STIL: variants seen among roughly 807,000 people sequenced by gnomAD.
STIL encodes SCL-interrupting locus protein.
STIL carries 55 observed loss-of-function variants against 110.1 expected under a neutral mutation model. The observed-to-expected ratio is 0.50, with a 90% CI of 0.40 to 0.63. STIL has a LOEUF of 0.63. STIL is among the 20% of genes least tolerant of loss of function. The pLI, the probability that STIL is intolerant of heterozygous loss-of-function variation, is 0.00. For synonymous variants in STIL, 481 were observed against 530.0 expected (o/e 0.91, Z 1.27); for missense variants, 1,358 against 1,530.0 (o/e 0.89, Z 1.87).
Position 47,250,271 on chromosome 1 carries a change from G to A in STIL, c.*865C>T, listed in dbSNP as rs972226875. ...TCTTTGATAGCCAGTGTGACATGTTGAAGATGTTACACCAAAACCAACCCA... is the reference window on the plus strand; with the variant it reads ...TCTTTGATAGCCAGTGTGACATGTTAAAGATGTTACACCAAAACCAACCCA... On this transcript the variant is annotated 3_prime_UTR_variant, in exon 17 of 17. Transcript: ENST00000371877. 1 of 175,188 alleles carries A rather than the reference G, an allele frequency of 5.7e-6. No individual in the cohort carries two copies. Among genetic ancestry groups the A allele is most frequent in the African/African-American group, 2.4e-5 (1 of 42,168 alleles). 10.9% of individuals were successfully genotyped at this position (175,188 alleles called of 1,614,324 possible). A position where few individuals can be genotyped will look rare whatever the true frequency, so the allele number is the denominator to read the frequency against.
At chr1:47,268,341 G>T (rs1644715166) in intron 14 of STIL, among the ~76,000 whole-genome samples, 1 of 152,126 alleles carries the variant, frequency 6.6e-6, no homozygotes, top group South Asian at 2.1e-4. Flanking sequence ...AGCTGCTTGG[G>T]AGGCTGAGGC....
chr1:47,306,264 CTT>C (rs35382902), intron 2 of STIL, among the ~76,000 whole-genome samples: 78,453 of 139,222 alleles, frequency 0.56, 23,265 homozygotes, highest in African/African-American at 0.78. Context: ...CTTTTCTTTC[CTT>C]TTTTTTTTTT....
At chr1:47,258,664 T>C (rs1644390569) in intron 16 of STIL, among the ~76,000 whole-genome samples, 2 of 151,944 alleles carry the variant, frequency 1.3e-5, no homozygotes, top group African/African-American at 2.4e-5. Flanking sequence ...AGTCTAAGAG[T>C]TTGTCTGAGA....
chr1:47,269,617 AAATC>A lies in STIL; in HGVS notation c.2615+14_2615+17del, dbSNP rs1644759963. The A allele has an allele frequency of 6.2e-7, 1 of 1,609,910 alleles. No homozygotes were observed. Among genetic ancestry groups the A allele is most frequent in the African/African-American group, 1.3e-5 (1 of 74,856 alleles). On this transcript the variant is annotated intron_variant, in intron 14 of 16. Transcript: ENST00000371877. ...TTTTTTGAAAGTAGGATGAAAGACT[AAATC>A]AAAGAGACCTTACTTGGATACAGAA...
At chr1:47,314,869 C>A (rs542823917), upstream of STIL, among the ~76,000 whole-genome samples, 1 of 151,728 alleles carries the variant, frequency 6.6e-6, no homozygotes, top group Non-Finnish European at 1.5e-5. Context: ...GTATTACAGG[C>A]GTCCACCACC....
At chr1:47,261,509 G>T (rs1644484043) in intron 15 of STIL, among the ~76,000 whole-genome samples, 2 of 151,752 alleles carry the variant, frequency 1.3e-5, no homozygotes, top group Admixed American at 1.3e-4. Context: ...GGAGGCCAAG[G>T]CGGGCAGATC....
chr1:47,256,214 T>C (rs1443714352), intron 16 of STIL, among the ~76,000 whole-genome samples: 1 of 152,192 alleles, frequency 6.6e-6, no homozygotes, highest in African/African-American at 2.4e-5. Flanking sequence ...ACACTAAAAA[T>C]GAACCTTCAC....
Position 47,295,825 on chromosome 1 carries a change from C to T in STIL, c.725G>A (p.Arg242His), listed in dbSNP as rs750455029. ...KYGYLTMDET[R>H]KLLLLLESDP... The stretch of plus-strand genomic sequence containing the variant: ...AGATTCCAACAAAAGTAACAATTTG[C>T]GTGTTTCATCCATGGTAAGATATCT... Residue 242 changes from arginine (R) to histidine (H), a missense_variant, in exon 7 of 17, where the codon CGC becomes CAC. Physicochemically the swap from Arg to His is conservative, Grantham distance 29 (BLOSUM62 0). Transcript: ENST00000371877. 1.5e-5 allele frequency: 24 copies of T among 1,612,200 alleles called. No homozygotes were observed. Among genetic ancestry groups the T allele is most frequent in the African/African-American group, 8.0e-5 (6 of 74,844 alleles).
At position 47,264,786 on chromosome 1, in the gene STIL, T is replaced by TAATCCAAATCAAC. The variant is rs553476718; in HGVS notation, c.2616-1683_2616-1671dup. On this transcript the variant is annotated intron_variant, in intron 14 of 16. Coordinates refer to ENST00000371877, the MANE Select transcript of STIL (RefSeq NM_001048166.1). ...CATAGACAACACTGGAGAAAGTATT[T>TAATCCAAATCAAC]AATCCAAATCAACAACCCAAATCAA... Among the ~76,000 whole-genome samples the TAATCCAAATCAAC allele has an allele frequency of 5.5e-3, 842 of 152,242 alleles. 8 individuals carry two copies. Among genetic ancestry groups the TAATCCAAATCAAC allele is most frequent in the African/African-American group, 0.019 (784 of 41,534 alleles).
At chr1:47,310,166 A>G in intron 2 of STIL, 110 bp downstream of exon 2, 1 of 1,062,392 alleles carries the variant, frequency 9.4e-7, no homozygotes, top group Non-Finnish European at 1.4e-6. Context: ...CTAGGATATG[A>G]ACCCAGAATT....
chr1:47,253,057 C>A (rs1644232549), intron 16 of STIL, among the ~76,000 whole-genome samples: 1 of 152,082 alleles, frequency 6.6e-6, no homozygotes, highest in African/African-American at 2.4e-5. Flanking sequence ...GTAAAGCGAG[C>A]CTCCCTCCTC....
chr1:47,301,760 A>G lies in STIL; in HGVS notation c.266-12T>C. On this transcript the variant is annotated splice_polypyrimidine_tract_variant and intron_variant, in intron 4 of 16. Coordinates refer to ENST00000371877, the MANE Select transcript of STIL (RefSeq NM_001048166.1). ...TACACCTTCTTCATCTGTAGAACAA[A>G]AATAACAGCTATTATACAGCATACT... is the stretch of plus-strand genomic sequence containing the variant. 1 of 1,612,834 alleles carries G rather than the reference A, an allele frequency of 6.2e-7. No homozygotes were observed. The highest frequency in any genetic ancestry group is 1.1e-5 in the South Asian group (1 of 91,076).
At chr1:47,289,653 G>T in intron 8 of STIL, 68 bp from the exon 9 acceptor site, 2 of 1,407,332 alleles carry the variant, frequency 1.4e-6, no homozygotes, top group Non-Finnish European at 2.0e-6. Flanking sequence ...ATAACTTCAT[G>T]TGAGTCTCCC....
chr1:47,301,757 C>T lies in STIL; in HGVS notation c.266-9G>A. 6.2e-7 allele frequency: 1 copy of T among 1,612,828 alleles called. No homozygotes were observed. On this transcript the variant is annotated splice_polypyrimidine_tract_variant and intron_variant, in intron 4 of 16. Coordinates refer to ENST00000371877, the MANE Select transcript of STIL (RefSeq NM_001048166.1). ...TGTTACACCTTCTTCATCTGTAGAA[C>T]AAAAATAACAGCTATTATACAGCAT...
intron 2 of STIL, among the ~76,000 whole-genome samples, chr1:47,308,920 C>G (rs190009803): frequency 6.6e-6 from 1 of 151,776 alleles, no homozygotes. Context: ...GGCATGGTGG[C>G]GCACGCCTGT....
At chr1:47,306,814 T>G (rs1048696103) in intron 2 of STIL, among the ~76,000 whole-genome samples, 9 of 152,184 alleles carry the variant, frequency 5.9e-5, no homozygotes, top group Non-Finnish European at 1.3e-4. Flanking sequence ...TCAAAAACTT[T>G]TCATTTTACA....
intron 3 of STIL, among the ~76,000 whole-genome samples, chr1:47,302,614 A>T (rs1645838525): frequency 6.6e-6 from 1 of 152,174 alleles, no homozygotes; most frequent in East Asian, 1.9e-4. Context: ...TTTTGTAAGT[A>T]AATTTTGATT....
chr1:47,279,127 CT>C (rs1368912004), intron 12 of STIL, among the ~76,000 whole-genome samples: 1 of 151,954 alleles, frequency 6.6e-6, no homozygotes, highest in African/African-American at 2.4e-5. Context: ...GAAACTCCGT[CT>C]CTACTAAAAA....
chr1:47,303,846 C>T (rs1164466890), intron 3 of STIL, among the ~76,000 whole-genome samples: 1 of 152,146 alleles, frequency 6.6e-6, no homozygotes, highest in Non-Finnish European at 1.5e-5. Context: ...TCATCAAATA[C>T]TACAAATTAT....
Sources: allele counts gnomAD v4.1 joint callset (sites outside exome capture counted in the v4.1 genomes callset), GRCh38; gene constraint gnomAD v4.1.1; transcripts MANE v1.5; gene names NCBI Gene and HGNC (gene_info 2026-07-23, HGNC 2026-07-21).